The following ILDR1 variants were observed in gnomAD, a reference collection of about 807,000 sequenced individuals.
ILDR1 encodes the protein immunoglobulin-like domain-containing receptor 1.
A neutral mutation model predicts 62.4 loss-of-function variants in ILDR1; 56 were observed. The observed-to-expected ratio is 0.90, with a 90% CI of 0.72 to 1.12. The LOEUF is 1.12. Ranked by LOEUF, ILDR1 falls within the 50% of genes most tolerant of loss-of-function variation. The probability of loss-of-function intolerance (pLI) is 0.00; values close to 1 mark genes in which losing one functional copy is unlikely to be tolerated. For synonymous variants in ILDR1, 284 were observed against 277.8 expected (o/e 1.02, Z -0.22); for missense variants, 736 against 710.6 (o/e 1.04, Z -0.41).
chr3:122,036,184 T>C, the ILDR1 span, among the ~76,000 whole-genome samples: 1 of 152,230 alleles, frequency 6.6e-6, no homozygotes, highest in African/African-American at 2.4e-5. Flanking sequence ...GGGCATCTGG[T>C]GGAAGAAACT....
At chr3:122,048,523 G>T in the ILDR1 span, among the ~76,000 whole-genome samples, 1 of 152,192 alleles carries the variant, frequency 6.6e-6, no homozygotes, top group Non-Finnish European at 1.5e-5. Flanking sequence ...TTAAATGTTT[G>T]ATAGAATTCA....
chr3:122,040,297 A>G, the ILDR1 span, among the ~76,000 whole-genome samples: 1 of 152,046 alleles, frequency 6.6e-6, no homozygotes. Flanking sequence ...TGGAAACCAA[A>G]AAAAGATAAA....
At chr3:121,999,297 C>G (rs2071482599) in intron 5 of ILDR1, among the ~76,000 whole-genome samples, 1 of 152,048 alleles carries the variant, frequency 6.6e-6, no homozygotes, top group Non-Finnish European at 1.5e-5. Flanking sequence ...CTCAAATTTC[C>G]TACAATATAG....
intron 7 of ILDR1, among the ~76,000 whole-genome samples, chr3:121,990,993 A>G (rs927584472): frequency 6.6e-6 from 1 of 152,180 alleles, no homozygotes; most frequent in Non-Finnish European, 1.5e-5. Flanking sequence ...CGAGGTCAAG[A>G]GATCGAGACC....
intron 2 of ILDR1, among the ~76,000 whole-genome samples, chr3:122,005,994 C>A (rs2071604467): frequency 6.6e-6 from 1 of 152,148 alleles, no homozygotes; most frequent in African/African-American, 2.4e-5. Flanking sequence ...CTGCCCCTGG[C>A]AAATGCCTGC....
upstream of ILDR1, among the ~76,000 whole-genome samples, chr3:122,027,213 G>C (rs1368861404): frequency 6.6e-6 from 1 of 152,052 alleles, no homozygotes; most frequent in Non-Finnish European, 1.5e-5. Flanking sequence ...TTTTGAGACG[G>C]AGTTTCACTC....
At position 121,993,901 on chromosome 3, in the gene ILDR1, T is replaced by C. The variant is rs571269930; in HGVS notation, c.848A>G (p.Asn283Ser). ...TTTCTCCAAATACTCCAGGACACCA[T>C]TGGCGATGGGAGGCTGATTGGTGGT... ...TQTTNQPPIA[N>S]GVLEYLEKEL... Residue 283 changes from asparagine (N) to serine (S), a missense_variant, in exon 7 of 8, where the codon AAT becomes AGT. Transcript: ENST00000344209. 4.8e-5 allele frequency: 77 copies of C among 1,613,896 alleles called. No homozygotes were observed. The highest frequency in any genetic ancestry group is 5.6e-5 in the Non-Finnish European group (66 of 1,180,008).
the ILDR1 span, among the ~76,000 whole-genome samples, chr3:122,033,995 T>C: frequency 6.6e-6 from 1 of 152,226 alleles, no homozygotes; most frequent in African/African-American, 2.4e-5. Context: ...ATTTTAGAAT[T>C]GGCTTGTCAA....
Position 121,991,148 on chromosome 3 carries a change from C to T in ILDR1, c.1599+2002G>A, listed in dbSNP as rs113391984. 2.8e-3 allele frequency among the ~76,000 whole-genome samples: 422 copies of T among 151,960 alleles called. 3 individuals are homozygous for T. Among genetic ancestry groups the T allele is most frequent in the African/African-American group, 9.4e-3 (390 of 41,420 alleles). ...TGGGGAGGCAGAGGTTGCAGAGAGC[C>T]GAGATTGCACCACTGCCCTCCAGCC... On this transcript the variant is annotated intron_variant, in intron 7 of 7. Transcript: ENST00000344209.
chr3:122,024,372 C>A (rs1269544665), upstream of ILDR1, among the ~76,000 whole-genome samples: 1 of 152,104 alleles, frequency 6.6e-6, no homozygotes, highest in Non-Finnish European at 1.5e-5. Flanking sequence ...TGCTGTAAAC[C>A]AAACATAATA....
chr3:121,994,050 T>C (rs531122121), intron 6 of ILDR1, 80 bp from the exon 7 acceptor site: 150 of 1,509,168 alleles, frequency 9.9e-5, no homozygotes, highest in Non-Finnish European at 1.3e-4. Flanking sequence ...AAATGTGACA[T>C]TGGTTAGCAT....
rs141781102 is a variant in ILDR1 at position 122,007,849 on chromosome 3, C to T, written c.59-688G>A. On this transcript the variant is annotated intron_variant, in intron 1 of 7. Coordinates refer to ENST00000344209, the MANE Select transcript of ILDR1 (RefSeq NM_001199799.2). ...CATAGACAGGGTTCTGTGTCTGTAA[C>T]CCTACCTTCTCCAGCAGCCCTCCTG... 3.0e-4 allele frequency among the ~76,000 whole-genome samples: 45 copies of T among 152,310 alleles called. No homozygotes were observed. In the East Asian group the frequency reaches 6.8e-3, roughly 23 times the overall value.
At chr3:121,998,176 C>A (rs1008797229) in intron 5 of ILDR1, among the ~76,000 whole-genome samples, 1 of 152,204 alleles carries the variant, frequency 6.6e-6, no homozygotes, top group African/African-American at 2.4e-5. Context: ...CCTTCCGCTC[C>A]CTTTCTAAGG....
intron 1 of ILDR1, among the ~76,000 whole-genome samples, chr3:122,014,884 T>C (rs2071756631): frequency 6.6e-6 from 1 of 152,140 alleles, no homozygotes; most frequent in South Asian, 2.1e-4. Flanking sequence ...ATGCTTGGGG[T>C]TTCCCAAAGT....
At chr3:121,994,334 A>G (rs2071407027) in intron 5 of ILDR1, 21 bp from the exon 6 acceptor site, 1 of 1,525,816 alleles carries the variant, frequency 6.6e-7, no homozygotes, top group African/African-American at 1.4e-5. Flanking sequence ...AGAAGGAGAA[A>G]TGCAGGCCCT....
At chr3:122,030,649 C>T in the ILDR1 span, among the ~76,000 whole-genome samples, 2 of 151,692 alleles carry the variant, frequency 1.3e-5, no homozygotes, top group Non-Finnish European at 2.9e-5. Flanking sequence ...CTCTCTCTCT[C>T]TCTAAGTGTT....
chr3:121,992,169 T>C (rs1226936545), intron 7 of ILDR1, among the ~76,000 whole-genome samples: 1 of 152,160 alleles, frequency 6.6e-6, no homozygotes, highest in Non-Finnish European at 1.5e-5. Flanking sequence ...AGAGTTTTGC[T>C]CTTGTCACCC....
intron 1 of ILDR1, among the ~76,000 whole-genome samples, chr3:122,009,188 C>G (rs1047530820): frequency 2.6e-5 from 4 of 152,074 alleles, no homozygotes; most frequent in Admixed American, 1.3e-4. Context: ...GCCTCAGCCT[C>G]CCAAAGTGCT....
In ILDR1 at chr3:122,007,099, T is replaced by C. The variant is rs1176734455; in HGVS notation, c.121A>G (p.Ile41Val). Reference sequence around the variant, plus strand: ...GTGGTGTAGTCACATTTGAGGATGATAGAGGCAAACAGGGTGACATAGCGT... The same window carrying C: ...GTGGTGTAGTCACATTTGAGGATGACAGAGGCAAACAGGGTGACATAGCGT... ...TERYVTLFAS[I>V]ILKCDYTTSA... is the part of the protein sequence containing the mutation. Residue 41 changes from isoleucine (I) to valine (V), a missense_variant, in exon 2 of 8, where the codon ATC becomes GTC. Ile to Val is a conservative substitution (Grantham distance 29). Transcript: ENST00000344209. 3.5e-5 allele frequency: 56 copies of C among 1,613,984 alleles called. No individual in the cohort carries two copies. The highest frequency in any genetic ancestry group is 4.5e-5 in the Non-Finnish European group (53 of 1,180,024).
Sources: allele counts gnomAD v4.1 joint callset (sites outside exome capture counted in the v4.1 genomes callset), GRCh38; gene constraint gnomAD v4.1.1; transcripts MANE v1.5; gene names NCBI Gene and HGNC (gene_info 2026-07-23, HGNC 2026-07-21).